Variants in TICRR observed in about 807,000 individuals in gnomAD.
TICRR encodes the protein treslin.
A neutral mutation model predicts 178.1 loss-of-function variants in TICRR; 132 were observed. The observed-to-expected ratio is 0.74, with a 90% CI of 0.64 to 0.86. The LOEUF (loss-of-function observed/expected upper bound fraction) is 0.86, where lower values mean the gene tolerates loss of function less well. Ranked by LOEUF, TICRR falls within the 40% of genes least tolerant of loss-of-function variation. TICRR has a pLI of 0.00. For missense variants in TICRR, 2,587 were observed against 2,334.3 expected (o/e 1.11, Z -2.23); for synonymous variants, 991 against 900.7 (o/e 1.10, Z -1.79).
intron 6 of TICRR, 53 bp downstream of exon 6, chr15:89,594,607 T>C: frequency 7.0e-7 from 1 of 1,431,938 alleles, no homozygotes; most frequent in Non-Finnish European, 9.3e-7. Context: ...AGACTGTATG[T>C]TTTAAAAGAT....
In TICRR at chr15:89,611,063, CAA is replaced by C. The variant is rs548016907; in HGVS notation, c.2869+2117_2869+2118del. On this transcript the variant is annotated intron_variant, in intron 15 of 21. Coordinates refer to ENST00000268138, the MANE Select transcript of TICRR (RefSeq NM_152259.4). Reference sequence around the variant, plus strand: ...AATTATATAGGGTTTAAAAAAAAAACAAAATTACCATAATGCTGGCTTTTATA... The same window carrying C: ...AATTATATAGGGTTTAAAAAAAAAACAATTACCATAATGCTGGCTTTTATA... Among the ~76,000 whole-genome samples, 180 of 151,544 alleles carry C rather than the reference CAA, an allele frequency of 1.2e-3. 1 individual carries two copies. The highest frequency in any genetic ancestry group is 2.2e-3 in the Non-Finnish European group (149 of 67,810).
chr15:89,595,168 C>T (rs555801127), intron 6 of TICRR, among the ~76,000 whole-genome samples: 22 of 152,268 alleles, frequency 1.4e-4, no homozygotes, highest in African/African-American at 4.8e-4. Flanking sequence ...TAGTTCCAAT[C>T]CAATCACATT....
At position 89,575,504 on chromosome 15, in the gene TICRR, G is replaced by C. The variant is rs937972863; in HGVS notation, c.-83G>C. The C allele has an allele frequency of 7.6e-7, 1 of 1,309,082 alleles. No individual in the cohort carries two copies. Among genetic ancestry groups the C allele is most frequent in the Non-Finnish European group, 1.0e-6 (1 of 994,078 alleles). The allele number at this position is 1,309,082 out of a possible 1,614,324, so 81.1% of individuals were successfully genotyped here. A position where few individuals can be genotyped will look rare whatever the true frequency, so the allele number is the denominator to read the frequency against. On this transcript the variant is annotated 5_prime_UTR_variant, in exon 1 of 22. Coordinates refer to ENST00000268138, the MANE Select transcript of TICRR (RefSeq NM_152259.4). Reference sequence around the variant, plus strand: ...CCAGGGTCCCAAAGGAAAGCAGTGAGTGGTGCTGTTTCCCTGAAGGAAGGG... The same window carrying C: ...CCAGGGTCCCAAAGGAAAGCAGTGACTGGTGCTGTTTCCCTGAAGGAAGGG...
chr15:89,575,926 G>A lies in TICRR; in HGVS notation c.340G>A (p.Asp114Asn), dbSNP rs1344362455. Reference protein sequence around the residue: ...LMETLLDYQWDRPEITSPTKP... With the variant: ...LMETLLDYQWNRPEITSPTKP... ...GGAGACGCTGCTAGACTACCAGTGG[G>A]ACCGGCCCGAGATCACGTCGCCCAC... Residue 114 changes from aspartate (D) to asparagine (N), a missense_variant, in exon 1 of 22, where the codon GAC (aspartate) becomes AAC (asparagine). Transcript: ENST00000268138. 6.3e-7 allele frequency: 1 copy of A among 1,594,168 alleles called. No homozygotes were observed. The highest frequency in any genetic ancestry group is 1.3e-5 in the African/African-American group (1 of 74,556).
Position 89,625,539 on chromosome 15 carries a change from G to A in TICRR, c.5229G>A (p.Val1743=), listed in dbSNP as rs891342686. Residue 1743 remains valine, a synonymous_variant, in exon 20 of 22, where the codon GTG becomes GTA. Coordinates refer to ENST00000268138, the MANE Select transcript of TICRR (RefSeq NM_152259.4). The part of the protein sequence containing the change: ...PILEDFELEG[V]CQLPDQSPPR... ...TGGAGGATTTTGAGCTCGAGGGAGT[G>A]TGCCAGCTCCCAGACCAGTCGCCTC... is the stretch of plus-strand genomic sequence containing the variant. The A allele has an allele frequency of 1.9e-6, 3 of 1,613,488 alleles. No individual in the cohort carries two copies. Among genetic ancestry groups the A allele is most frequent in the Non-Finnish European group, 2.5e-6 (3 of 1,180,008 alleles).
At chr15:89,589,502 ACT>A (rs1962875854) in intron 4 of TICRR, among the ~76,000 whole-genome samples, 1 of 151,892 alleles carries the variant, frequency 6.6e-6, no homozygotes, top group Admixed American at 6.6e-5. Context: ...GGTGCAGGTA[ACT>A]CTGAGGGGCA....
chr15:89,616,903 T>C (rs150774591), intron 16 of TICRR, among the ~76,000 whole-genome samples: 64 of 152,366 alleles, frequency 4.2e-4, no homozygotes, highest in African/African-American at 1.3e-3. Context: ...AGGGCTGTTA[T>C]TGTCTGAAAG....
In TICRR at chr15:89,600,610, G is replaced by C. The variant is rs766512860; in HGVS notation, c.2078G>C (p.Ser693Thr). 4 of 1,589,786 alleles carry C rather than the reference G, an allele frequency of 2.5e-6. No homozygotes were observed. Among genetic ancestry groups the C allele is most frequent in the Non-Finnish European group, 3.4e-6 (4 of 1,166,968 alleles). The change falls in exon 9 of 22, where the codon AGT (serine) becomes ACT (threonine). Residue 693 changes from serine (S) to threonine (T), a missense_variant. Transcript: ENST00000268138. ...GTGAACTGCCTGAATCAAGTAAAAA[G>C]TAGTCTCTTAAAAACTAGTAAAAGT... ...LEVNCLNQVK[S>T]SLLKTSKSLR...
Position 89,625,767 on chromosome 15 carries a change from C to CG in TICRR, c.5458dup (p.Glu1820GlyfsTer50). 1 of 1,604,346 alleles carries CG rather than the reference C, an allele frequency of 6.2e-7. No individual in the cohort carries two copies. The highest frequency in any genetic ancestry group is 8.5e-7 in the Non-Finnish European group (1 of 1,174,226). ...CATGGCAGCTACCCTCCACGGGAGA[C>CG]GAAGAGGTGTTTGTTTCCGGTGAGT... On this transcript the variant is annotated frameshift_variant, in exon 20 of 22. Transcript: ENST00000268138. LOFTEE classifies it high-confidence loss of function.
At chr15:89,593,054 C>T (rs1334599796) in intron 5 of TICRR, among the ~76,000 whole-genome samples, 1 of 152,164 alleles carries the variant, frequency 6.6e-6, no homozygotes, top group Admixed American at 6.5e-5. Flanking sequence ...TAGTGTAAGT[C>T]CTCTAAACTT....
In TICRR at chr15:89,625,998, C is replaced by G. The variant is rs1042615054; in HGVS notation, c.5539C>G (p.Leu1847Val). ...SCLSASALQA[L>V]TQSPLLFQGK... ...CCTCTCTGCCAGTGCCCTCCAGGCT[C>G]TGACCCAGTCTCCGCTGCTGTTCCA... The change falls in exon 21 of 22, where the codon CTG (leucine) becomes GTG (valine). Residue 1847 changes from leucine (L) to valine (V), a missense_variant. Physicochemically the swap from Leu to Val is conservative, Grantham distance 32. Coordinates refer to ENST00000268138, the MANE Select transcript of TICRR (RefSeq NM_152259.4). The G allele has an allele frequency of 6.2e-6, 10 of 1,611,492 alleles. 1 individual carries two copies. In the African/African-American group the frequency reaches 1.1e-4, roughly 17 times the overall value.
Position 89,623,990 on chromosome 15 carries a change from C to T in TICRR, c.3680C>T (p.Ala1227Val). 6.2e-7 allele frequency: 1 copy of T among 1,613,966 alleles called. No individual in the cohort carries two copies. Among genetic ancestry groups the T allele is most frequent in the Non-Finnish European group, 8.5e-7 (1 of 1,180,012 alleles). ...AGTCCAGAAAGCCCCTCCTGTCCAGCCCCTCCAACTTCATCGACTGCCCAG... is the reference window on the plus strand; with the variant it reads ...AGTCCAGAAAGCCCCTCCTGTCCAGTCCCTCCAACTTCATCGACTGCCCAG... ...NSSPESPSCP[A>V]PPTSSTAQPR... The change falls in exon 20 of 22, where the codon GCC becomes GTC. Residue 1227 changes from alanine (A) to valine (V), a missense_variant. Physicochemically the swap from Ala to Val is moderately conservative, Grantham distance 64. Coordinates refer to ENST00000268138, the MANE Select transcript of TICRR (RefSeq NM_152259.4).
Position 89,576,120 on chromosome 15 carries a change from C to G in TICRR, c.534C>G (p.Ala178=). ...LQFVSGCEAQ[A]QRLPPTPKQV... ...TCGTGTCTGGGTGCGAGGCCCAGGC[C>G]CAGCGCCTGCCGCCCACCCCTAAGC... is the stretch of plus-strand genomic sequence containing the variant. The change falls in exon 1 of 22, where the codon GCC becomes GCG. Residue 178 remains alanine (A), a synonymous_variant. Coordinates refer to ENST00000268138, the MANE Select transcript of TICRR (RefSeq NM_152259.4). The G allele has an allele frequency of 6.2e-7, 1 of 1,610,400 alleles. No homozygotes were observed. The highest frequency in any genetic ancestry group is 8.5e-7 in the Non-Finnish European group (1 of 1,180,004).
At chr15:89,623,531 A>C (rs1963458362) in intron 19 of TICRR, 92 bp from the exon 20 acceptor site, 1 of 1,277,154 alleles carries the variant, frequency 7.8e-7, no homozygotes, top group East Asian at 2.3e-5. Flanking sequence ...GGCTGACTAT[A>C]AATCTCCCAT....
chr15:89,594,566 G>C lies in TICRR; in HGVS notation c.1681+12G>C, dbSNP rs1487982718. 1.3e-6 allele frequency: 2 copies of C among 1,542,940 alleles called. No homozygotes were observed. Among genetic ancestry groups the C allele is most frequent in the Admixed American group, 1.9e-5 (1 of 51,756 alleles). The stretch of plus-strand genomic sequence containing the variant: ...CAGCAAAAAGAAACGTATGTACCTA[G>C]AAAGGCTGTTTCTTAAGGCATTCTT... On this transcript the variant is annotated intron_variant, in intron 6 of 21. Coordinates refer to ENST00000268138, the MANE Select transcript of TICRR (RefSeq NM_152259.4).
chr15:89,626,813 T>C, intron 21 of TICRR, 143 bp from the exon 22 acceptor site: 1 of 889,956 alleles, frequency 1.1e-6, no homozygotes, highest in Non-Finnish European at 1.7e-6. Flanking sequence ...GTAGGTACCA[T>C]TTCTGTAGGA....
Position 89,601,283 on chromosome 15 carries a change from T to C in TICRR, c.2154-15T>C, listed in dbSNP as rs747421161. The C allele has an allele frequency of 1.3e-5, 21 of 1,612,268 alleles. No homozygotes were observed. Among genetic ancestry groups the C allele is most frequent in the Non-Finnish European group, 1.8e-5 (21 of 1,178,622 alleles). ...CATCCAAAGTAGATATGACCAAGTATTTTTTTCTCTCAAGGTGCCAGCTTC... is the reference window on the plus strand; with the variant it reads ...CATCCAAAGTAGATATGACCAAGTACTTTTTTCTCTCAAGGTGCCAGCTTC... On this transcript the variant is annotated splice_polypyrimidine_tract_variant and intron_variant, in intron 9 of 21. Transcript: ENST00000268138.
chr15:89,583,028 A>G (rs1962758256), intron 2 of TICRR, 63 bp downstream of exon 2: 22 of 1,481,342 alleles, frequency 1.5e-5, no homozygotes, highest in Non-Finnish European at 1.9e-5. Context: ...ATTTCTTCAA[A>G]GAAGCTTTTA....
Position 89,625,087 on chromosome 15 carries a change from G to T in TICRR, c.4777G>T (p.Glu1593Ter). ...SLEAEPLSKE[E>*]SSLGEESFLP... Reference sequence around the variant, plus strand: ...AGAGGCTGAGCCCCTCAGCAAGGAGGAGAGCTCTCTGGGAGAAGAGAGCTT... The same window carrying T: ...AGAGGCTGAGCCCCTCAGCAAGGAGTAGAGCTCTCTGGGAGAAGAGAGCTT... Residue 1593 changes from glutamate (E) to a stop codon, truncating the protein, a stop_gained, in exon 20 of 22, where the codon GAG becomes TAG. Coordinates refer to ENST00000268138, the MANE Select transcript of TICRR (RefSeq NM_152259.4). LOFTEE classifies it high-confidence loss of function. 1 of 1,613,916 alleles carries T rather than the reference G, an allele frequency of 6.2e-7. No individual in the cohort carries two copies. The highest frequency in any genetic ancestry group is 8.5e-7 in the Non-Finnish European group (1 of 1,179,992).
Sources: gnomAD v4.1 joint callset for allele counts (sites outside exome capture counted in the v4.1 genomes callset) on GRCh38, gnomAD v4.1.1 for gene constraint, MANE v1.5 for transcripts, NCBI Gene and HGNC (gene_info 2026-07-23, HGNC 2026-07-21) for gene names.